Variants in DMD observed in about 807,000 individuals in gnomAD.
DMD encodes the protein dystrophin.
Under a neutral mutation model 330.1 loss-of-function variants are expected in DMD, and 63 were observed. The ratio of observed to expected loss-of-function variants is 0.19; its 90% CI spans 0.16 to 0.24. The LOEUF is 0.24. Ranked by LOEUF, DMD falls within the 10% of genes least tolerant of loss-of-function variation. The pLI is 1.00. For missense variants in DMD, 3,344 were observed against 2,684.1 expected, an observed-to-expected ratio of 1.25 and a Z score of -5.43; for synonymous variants, 1,223 against 959.8, an observed-to-expected ratio of 1.27 and a Z score of -5.07.
At chrX:32,650,882 G>C (rs1328306344) in intron 9 of DMD, among the ~76,000 whole-genome samples, 1 of 111,637 alleles carries the variant, frequency 9.0e-6, no homozygotes, top group Non-Finnish European at 1.9e-5. Flanking sequence ...CAGTCAATTT[G>C]CTAATCACTT....
At chrX:31,514,426 C>T (rs1307165980) in intron 55 of DMD, among the ~76,000 whole-genome samples, 1 of 111,347 alleles carries the variant, frequency 9.0e-6, no homozygotes, top group Non-Finnish European at 1.9e-5. Flanking sequence ...TTATCTGAGT[C>T]TCATCTACTC....
At chrX:31,887,831 C>T (rs2094177897) in intron 47 of DMD, among the ~76,000 whole-genome samples, 2 of 112,239 alleles carry the variant, frequency 1.8e-5, no homozygotes, top group Admixed American at 1.9e-4. Flanking sequence ...AATTTTACAT[C>T]TTTATATACC....
chrX:31,846,396 CAAAT>C (rs966769773), intron 48 of DMD, among the ~76,000 whole-genome samples: 3 of 105,448 alleles, frequency 2.8e-5, no homozygotes, highest in African/African-American at 6.9e-5. Flanking sequence ...GTGAGTAAAA[CAAAT>C]GAATGGGAAC....
intron 1 of DMD, among the ~76,000 whole-genome samples, chrX:33,031,037 A>G (rs1569550596): frequency 9.0e-6 from 1 of 111,647 alleles, no homozygotes; most frequent in African/African-American, 3.3e-5. Context: ...ATAAAATGGC[A>G]TAGTAGATGA....
intron 1 of DMD, among the ~76,000 whole-genome samples, chrX:33,317,908 G>A (rs1481639243): frequency 9.0e-6 from 1 of 111,403 alleles, no homozygotes; most frequent in Admixed American, 9.6e-5. Flanking sequence ...AAGATCATAA[G>A]GGATTAATAA....
chrX:33,132,364 T>C (rs1005349066), intron 1 of DMD, among the ~76,000 whole-genome samples: 4 of 111,698 alleles, frequency 3.6e-5, no homozygotes, highest in Non-Finnish European at 7.5e-5. Flanking sequence ...GCTCTGGGCA[T>C]TGCACCTTGC....
chrX:33,039,195 G>A (rs1448115487), intron 1 of DMD, among the ~76,000 whole-genome samples: 1 of 111,221 alleles, frequency 9.0e-6, no homozygotes, highest in Non-Finnish European at 1.9e-5. Flanking sequence ...AGTATTCTAA[G>A]TTACTTCAAT....
At chrX:32,088,023 G>T (rs947254468) in intron 44 of DMD, among the ~76,000 whole-genome samples, 8 of 112,287 alleles carry the variant, frequency 7.1e-5, no homozygotes, top group African/African-American at 2.6e-4. Flanking sequence ...GTATGTTATG[G>T]ACTTGACCTT....
chrX:32,202,246 G>C (rs1216368469), intron 44 of DMD, among the ~76,000 whole-genome samples: 1 of 112,251 alleles, frequency 8.9e-6, no homozygotes, highest in Non-Finnish European at 1.9e-5. Context: ...AACAGCATTA[G>C]TTTCTTCCCT....
chrX:32,616,091 A>AT (rs992078627), intron 11 of DMD, among the ~76,000 whole-genome samples: 1 of 110,600 alleles, frequency 9.0e-6, no homozygotes, highest in African/African-American at 3.3e-5. Flanking sequence ...CTCATAATTA[A>AT]ACTGGGGTTT....
intron 42 of DMD, among the ~76,000 whole-genome samples, chrX:32,301,307 T>A (rs1440941989): frequency 1.8e-5 from 2 of 109,957 alleles, no homozygotes; most frequent in African/African-American, 6.6e-5. Context: ...AATGTTTACC[T>A]TTTTGGAAGC....
chrX:32,208,968 C>A (rs969116363), intron 44 of DMD, among the ~76,000 whole-genome samples: 1 of 111,460 alleles, frequency 9.0e-6, no homozygotes, highest in East Asian at 2.8e-4. Flanking sequence ...ACTTGGGGAT[C>A]ATTTGTCTCA....
At chrX:32,707,730 T>C (rs984820370) in intron 7 of DMD, among the ~76,000 whole-genome samples, 1 of 111,909 alleles carries the variant, frequency 8.9e-6, no homozygotes, top group East Asian at 2.8e-4. Context: ...ATATTTGGTA[T>C]GTAACTTCTA....
rs192473689 is a variant in DMD at position 31,843,866 on chromosome X, T to C, written c.7099-7047A>G. ...GAGATTTTATTGTATTGTATTGTAT[T>C]TATTTAGGGACGGAGTCTCGCTCTG... On this transcript the variant is annotated intron_variant, in intron 48 of 78. Transcript: ENST00000357033. 1.8e-3 allele frequency among the ~76,000 whole-genome samples: 199 copies of C among 110,942 alleles called. 2 individuals carry two copies. The highest frequency in any genetic ancestry group is 0.017 in the Admixed American group (177 of 10,471).
chrX:32,596,056 T>C (rs1454391542), intron 12 of DMD, among the ~76,000 whole-genome samples, 180 bp from the exon 13 acceptor site: 1 of 111,987 alleles, frequency 8.9e-6, no homozygotes, highest in Non-Finnish European at 1.9e-5. Flanking sequence ...TTATATGTTC[T>C]ATTGTTAATT....
Position 32,344,545 on chromosome X carries a change from G to T in DMD, c.5587-1259C>A, listed in dbSNP as rs148801500. Among the ~76,000 whole-genome samples, 450 of 110,999 alleles carry T rather than the reference G, an allele frequency of 4.1e-3. 2 individuals carry two copies. Among genetic ancestry groups the T allele is most frequent in the Non-Finnish European group, 6.9e-3 (363 of 52,888 alleles). ...AACCTTCTGAGGAGTCAGATCGAACGCTGCTTTTTTCAAAGGTAGCAAGAT... is the reference window on the plus strand; with the variant it reads ...AACCTTCTGAGGAGTCAGATCGAACTCTGCTTTTTTCAAAGGTAGCAAGAT... On this transcript the variant is annotated intron_variant, in intron 39 of 78. Coordinates refer to ENST00000357033, the MANE Select transcript of DMD (RefSeq NM_004006.3).
intron 37 of DMD, 92 bp downstream of exon 37, chrX:32,362,696 C>T (rs2097841320): frequency 2.0e-6 from 2 of 1,009,398 alleles, no homozygotes; most frequent in Admixed American, 2.2e-5. Context: ...GAAAACCTTG[C>T]TGTGGGGTCT....
intron 17 of DMD, among the ~76,000 whole-genome samples, chrX:32,543,350 C>T (rs1286290226): frequency 9.2e-6 from 1 of 108,662 alleles, no homozygotes; most frequent in African/African-American, 3.4e-5. Flanking sequence ...TTTTCCAACA[C>T]AATCCATTCT....
At chrX:31,780,434 G>C (rs764023576) in intron 50 of DMD, among the ~76,000 whole-genome samples, 151 of 112,155 alleles carry the variant, frequency 1.3e-3, no homozygotes, top group African/African-American at 4.8e-3. Flanking sequence ...GTCAACAGGA[G>C]AGCAATGTTA....
Sources: gnomAD v4.1 joint callset for allele counts (sites outside exome capture counted in the v4.1 genomes callset) on GRCh38, gnomAD v4.1.1 for gene constraint, MANE v1.5 for transcripts, NCBI Gene and HGNC (gene_info 2026-07-23, HGNC 2026-07-21) for gene names.